Variants in PLA2G4D observed in about 807,000 individuals in gnomAD.
PLA2G4D encodes the protein phospholipase A2 group IVD, also known as cytosolic phospholipase A2 delta.
In PLA2G4D, 80 loss-of-function variants were observed where a neutral mutation model predicts 94.4. The ratio of observed to expected loss-of-function variants is 0.85; its 90% CI spans 0.71 to 1.02. The LOEUF (loss-of-function observed/expected upper bound fraction) is 1.02. Ranked by LOEUF, PLA2G4D falls within the 50% of genes least tolerant of loss-of-function variation. The pLI is 0.00. For synonymous variants in PLA2G4D, 438 were observed against 440.9 expected (o/e 0.99, Z 0.08); for missense variants, 1,050 against 1,034.7 (o/e 1.01, Z -0.20).
intron 4 of PLA2G4D, among the ~76,000 whole-genome samples, chr15:42,085,852 G>C (rs529556171): frequency 1.3e-5 from 2 of 152,292 alleles, no homozygotes; most frequent in African/African-American, 4.8e-5. Flanking sequence ...TTTTTCTTGA[G>C]GAGGGCCCAG....
In PLA2G4D at chr15:42,083,770, G is replaced by A; in HGVS notation, c.481C>T (p.Leu161=). 1 of 1,613,806 alleles carries A rather than the reference G, an allele frequency of 6.2e-7. No homozygotes were observed. Among genetic ancestry groups the A allele is most frequent in the South Asian group, 1.1e-5 (1 of 91,082 alleles). ...TCCAGATGCACATCCAGGCATGACA[G>A]CTCTCGGGCCTGGGGAAGACCACAT... ...ITNKVIVARE[L]SCLDVHLDST... is the part of the protein sequence containing the mutation. Residue 161 remains leucine (L), a synonymous_variant, in exon 7 of 20, where the codon CTG becomes TTG. Transcript: ENST00000290472.
At chr15:42,079,472 T>C in intron 13 of PLA2G4D, 65 bp downstream of exon 13, 1 of 1,483,398 alleles carries the variant, frequency 6.7e-7, no homozygotes, top group East Asian at 2.5e-5. Context: ...GTCAGCCGCT[T>C]GGGAGCCCTG....
intron 1 of PLA2G4D, among the ~76,000 whole-genome samples, chr15:42,091,274 A>G (rs1412374460): frequency 2.0e-5 from 3 of 152,380 alleles, no homozygotes; most frequent in Non-Finnish European, 1.5e-5. Flanking sequence ...TTATATATGA[A>G]TATCATTAAT....
At chr15:42,093,042 G>A (rs574981048) in intron 1 of PLA2G4D, among the ~76,000 whole-genome samples, 1 of 152,074 alleles carries the variant, frequency 6.6e-6, no homozygotes, top group African/African-American at 2.4e-5. Flanking sequence ...GAGTCTCCTG[G>A]ACCACACGGC....
intron 1 of PLA2G4D, among the ~76,000 whole-genome samples, chr15:42,091,595 C>T (rs1440619598): frequency 2.6e-5 from 4 of 151,736 alleles, no homozygotes; most frequent in South Asian, 2.1e-4. Context: ...TCCCTTTCCC[C>T]GGGGGAGTTA....
rs1406464253 is a variant in PLA2G4D, at chr15:42,085,582, A to G, written c.388-51T>C. Reference sequence around the variant, plus strand: ...CATCAGCACATACCTGTGTCTTCAGAGTTGACACAGTTCTTTTACAGGTGT... The same window carrying G: ...CATCAGCACATACCTGTGTCTTCAGGGTTGACACAGTTCTTTTACAGGTGT... On this transcript the variant is annotated intron_variant, in intron 4 of 19. Transcript: ENST00000290472. 2.6e-6 allele frequency: 4 copies of G among 1,560,272 alleles called. No homozygotes were observed. The East Asian group carries it at 9.0e-5, about 35-fold the overall frequency.
At chr15:42,086,086 G>T (rs948227357) in intron 4 of PLA2G4D, 127 bp downstream of exon 4, 2 of 1,013,100 alleles carry the variant, frequency 2.0e-6, no homozygotes, top group Non-Finnish European at 2.8e-6. Context: ...ATCTAAAAAG[G>T]GGTTTAGATT....
At chr15:42,073,068 T>A (rs1363205963) in intron 13 of PLA2G4D, among the ~76,000 whole-genome samples, 2 of 152,184 alleles carry the variant, frequency 1.3e-5, no homozygotes, top group Non-Finnish European at 2.9e-5. Context: ...AGTGGTGCAA[T>A]CTTGGATCAC....
chr15:42,070,005 C>A lies in PLA2G4D; in HGVS notation c.2134G>T (p.Glu712Ter). 1 of 1,500,910 alleles carries A rather than the reference C, an allele frequency of 6.7e-7. No individual in the cohort carries two copies. Among genetic ancestry groups the A allele is most frequent in the African/African-American group, 1.4e-5 (1 of 69,220 alleles). The allele number at this position is 1,500,910 out of a possible 1,614,324, so 93.0% of individuals were successfully genotyped here. ...PSPQDQHQPRECHLFSDPACP... is the reference protein window; with the variant it reads ...PSPQDQHQPR ...GCGGGGTCTGAGAAGAGGTGGCATTCCCTTGGCTGGTGCTGGTCCTGAGGG... is the reference window on the plus strand; with the variant it reads ...GCGGGGTCTGAGAAGAGGTGGCATTACCTTGGCTGGTGCTGGTCCTGAGGG... Residue 712 changes from glutamate to a stop codon, truncating the protein, a stop_gained, in exon 19 of 20, where the codon GAA becomes TAA. Transcript: ENST00000290472. LOFTEE classifies it high-confidence loss of function.
intron 13 of PLA2G4D, among the ~76,000 whole-genome samples, chr15:42,078,085 G>A (rs555531612): frequency 6.6e-6 from 1 of 152,388 alleles, no homozygotes; most frequent in Non-Finnish European, 1.5e-5. Flanking sequence ...AAATGTGACT[G>A]TGGAACTGTC....
At position 42,086,194 on chromosome 15, in the gene PLA2G4D, T is replaced by TGGGGGGGGGCCC; in HGVS notation, c.387+18_387+19insGGGCCCCCCCCC. 44 of 1,370,398 alleles carry TGGGGGGGGGCCC rather than the reference T, an allele frequency of 3.2e-5. No homozygotes were observed. The highest frequency in any genetic ancestry group is 3.9e-5 in the Non-Finnish European group (41 of 1,043,042). 84.9% of individuals were successfully genotyped at this position (1,370,398 alleles called of 1,614,324 possible). A position where few individuals can be genotyped will look rare whatever the true frequency, so the allele number is the denominator to read the frequency against. On this transcript the variant is annotated intron_variant, in intron 4 of 19. Coordinates refer to ENST00000290472, the MANE Select transcript of PLA2G4D (RefSeq NM_178034.4). ...GGAAGAAGTGGGGCCCACGGGGACT[T>TGGGGGGGGGCCC]CCCCACCCACCCACCCACCTGGGGA...
chr15:42,086,194 T>TGCCCCCCCCCCCCCCCCCCCC lies in PLA2G4D; in HGVS notation c.387+18_387+19insGGGGGGGGGGGGGGGGGGGGC. The TGCCCCCCCCCCCCCCCCCCCC allele has an allele frequency of 1.5e-6, 2 of 1,370,444 alleles. No homozygotes were observed. Among genetic ancestry groups the TGCCCCCCCCCCCCCCCCCCCC allele is most frequent in the South Asian group, 1.5e-5 (1 of 66,866 alleles). The allele number at this position is 1,370,444 out of a possible 1,614,324, so 84.9% of individuals were successfully genotyped here. Reference sequence around the variant, plus strand: ...GGAAGAAGTGGGGCCCACGGGGACTTCCCCACCCACCCACCCACCTGGGGA... The same window carrying TGCCCCCCCCCCCCCCCCCCCC: ...GGAAGAAGTGGGGCCCACGGGGACTTGCCCCCCCCCCCCCCCCCCCCCCCCACCCACCCACCCACCTGGGGA... On this transcript the variant is annotated intron_variant, in intron 4 of 19. Coordinates refer to ENST00000290472, the MANE Select transcript of PLA2G4D (RefSeq NM_178034.4).
intron 5 of PLA2G4D, 109 bp downstream of exon 5, chr15:42,085,382 G>A: frequency 7.7e-7 from 1 of 1,295,394 alleles, no homozygotes; most frequent in Non-Finnish European, 1.1e-6. Flanking sequence ...GGCAGGGGTA[G>A]GAGATGAGGG....
chr15:42,070,432 A>C (rs1889781541), intron 18 of PLA2G4D: 3 of 514,992 alleles, frequency 5.8e-6, no homozygotes, highest in Admixed American at 3.6e-5. Context: ...GGTCTGGGGG[A>C]TGGACATGGA....
chr15:42,081,945 T>C, intron 9 of PLA2G4D, 111 bp from the exon 10 acceptor site: 1 of 1,358,498 alleles, frequency 7.4e-7, no homozygotes, highest in Non-Finnish European at 1.0e-6. Flanking sequence ...TTTTTTTTTT[T>C]TTTGAGACAG....
intron 17 of PLA2G4D, 77 bp from the exon 18 acceptor site, chr15:42,070,960 A>T: frequency 6.5e-7 from 1 of 1,541,830 alleles, no homozygotes; most frequent in Admixed American, 1.9e-5. Flanking sequence ...CCTCTGGGTC[A>T]CTCCTTAAAT....
rs765922845 is a variant in PLA2G4D at position 42,079,488 on chromosome 15, G to GC, written c.1317+48dup. On this transcript the variant is annotated intron_variant, in intron 13 of 19. Transcript: ENST00000290472. The stretch of plus-strand genomic sequence containing the variant: ...TCAGCCGCTTGGGAGCCCTGCCTTC[G>GC]CCCCCGCGGTGCACACACGCGTCTC... The GC allele has an allele frequency of 3.3e-6, 5 of 1,519,906 alleles. No homozygotes were observed. The East Asian group carries it at 1.3e-4, about 38-fold the overall frequency. The allele number at this position is 1,519,906 out of a possible 1,614,324, so 94.2% of individuals were successfully genotyped here.
At chr15:42,070,242 A>C in intron 18 of PLA2G4D, 147 bp from the exon 19 acceptor site, 1 of 735,704 alleles carries the variant, frequency 1.4e-6, no homozygotes, top group Non-Finnish European at 2.0e-6. Context: ...AGTGACTCGG[A>C]GGGAGACCCA....
At chr15:42,083,392 C>G (rs1890080390) in intron 7 of PLA2G4D, 58 bp from the exon 8 acceptor site, 1 of 1,561,986 alleles carries the variant, frequency 6.4e-7, no homozygotes, top group Admixed American at 1.9e-5. Flanking sequence ...CCAGCTCGGA[C>G]CTGGGACAGC....
Sources: gnomAD v4.1 joint callset for allele counts (sites outside exome capture counted in the v4.1 genomes callset) on GRCh38, gnomAD v4.1.1 for gene constraint, MANE v1.5 for transcripts, NCBI Gene and HGNC (gene_info 2026-07-23, HGNC 2026-07-21) for gene names.